TRPM3: variants seen among roughly 807,000 people sequenced by gnomAD.
TRPM3 encodes the protein transient receptor potential cation channel subfamily M member 3, also known as long transient receptor potential channel 3.
A neutral mutation model predicts 181.2 loss-of-function variants in TRPM3; 77 were observed. The ratio of observed to expected loss-of-function variants is 0.42; its 90% CI spans 0.35 to 0.51. TRPM3 has a LOEUF of 0.51. Among genes scored for constraint, TRPM3 ranks in the 20% least tolerant of loss-of-function variants. The pLI, the probability that TRPM3 is intolerant of heterozygous loss-of-function variation, is 0.01. For synonymous variants in TRPM3, 745 were observed against 796.4 expected, an observed-to-expected ratio of 0.94 and a Z score of 1.09; for missense variants, 1,759 against 2,196.7, an observed-to-expected ratio of 0.80 and a Z score of 3.98.
intron 1 of TRPM3, among the ~76,000 whole-genome samples, chr9:71,188,167 A>G (rs996753702): frequency 3.3e-5 from 5 of 151,856 alleles, no homozygotes; most frequent in African/African-American, 1.2e-4. Flanking sequence ...ACTTTTGCTT[A>G]TGTTTAATTC....
At chr9:71,287,610 A>G (rs1266107129) in intron 1 of TRPM3, among the ~76,000 whole-genome samples, 1 of 151,434 alleles carries the variant, frequency 6.6e-6, no homozygotes, top group East Asian at 1.9e-4. Context: ...CTACAACTCC[A>G]GAATTACAGA....
At chr9:71,351,900 G>C (rs1347759392) in intron 1 of TRPM3, among the ~76,000 whole-genome samples, 1 of 133,556 alleles carries the variant, frequency 7.5e-6, no homozygotes, top group Admixed American at 8.4e-5. Context: ...TTTTGAGACT[G>C]AGTCTTGCTC....
intron 1 of TRPM3, among the ~76,000 whole-genome samples, chr9:71,287,690 C>T (rs986837134): frequency 6.6e-6 from 1 of 150,928 alleles, no homozygotes; most frequent in Non-Finnish European, 1.5e-5. Context: ...GATATACAGC[C>T]ATGCACTGTA....
intron 6 of TRPM3, among the ~76,000 whole-genome samples, chr9:70,804,730 T>C (rs1210457714): frequency 6.6e-6 from 1 of 151,962 alleles, no homozygotes; most frequent in Non-Finnish European, 1.5e-5. Flanking sequence ...CCCCTTGTCT[T>C]CCCCACGACT....
chr9:71,154,367 G>T (rs10868962), intron 1 of TRPM3, among the ~76,000 whole-genome samples: 61,736 of 151,904 alleles, frequency 0.41, 14,580 homozygotes, highest in African/African-American at 0.66. Context: ...CATGTAGCTA[G>T]GAGGCAAGTC....
intron 6 of TRPM3, among the ~76,000 whole-genome samples, chr9:70,787,423 A>T (rs1210109900): frequency 6.6e-6 from 1 of 152,208 alleles, no homozygotes; most frequent in African/African-American, 2.4e-5. Context: ...TTTATAGGGT[A>T]CAAACAAAAG....
At chr9:71,001,561 A>G (rs1369251580) in intron 1 of TRPM3, among the ~76,000 whole-genome samples, 1 of 152,206 alleles carries the variant, frequency 6.6e-6, no homozygotes, top group Non-Finnish European at 1.5e-5. Context: ...CACAATGTCT[A>G]TTAGGGAAAA....
At chr9:70,599,289 G>A (rs1246999645) in intron 20 of TRPM3, among the ~76,000 whole-genome samples, 3 of 152,082 alleles carry the variant, frequency 2.0e-5, no homozygotes, top group Non-Finnish European at 2.9e-5. Context: ...TAAAGATCTG[G>A]CTGGCAATTA....
chr9:70,552,775 G>A (rs1257297137), intron 24 of TRPM3, 69 bp downstream of exon 24: 51 of 1,541,416 alleles, frequency 3.3e-5, no homozygotes, highest in Admixed American at 8.4e-5. Context: ...ATGCGATTCT[G>A]CGTGATTGCC....
intron 1 of TRPM3, among the ~76,000 whole-genome samples, chr9:71,424,026 C>T (rs1036180829): frequency 6.6e-6 from 1 of 152,084 alleles, no homozygotes; most frequent in Admixed American, 6.6e-5. Flanking sequence ...TCGCAAGCAC[C>T]GCTCAATAGT....
intron 1 of TRPM3, among the ~76,000 whole-genome samples, chr9:71,120,592 C>T (rs1313853800): frequency 1.3e-5 from 2 of 152,198 alleles, no homozygotes; most frequent in Admixed American, 6.5e-5. Context: ...ACTGATTCCA[C>T]TCAGGAGACT....
At chr9:71,219,914 T>C (rs1436320766) in intron 1 of TRPM3, among the ~76,000 whole-genome samples, 1 of 152,190 alleles carries the variant, frequency 6.6e-6, no homozygotes, top group Non-Finnish European at 1.5e-5. Context: ...CAAAGCTACA[T>C]TTTTCTGGGG....
intron 8 of TRPM3, among the ~76,000 whole-genome samples, chr9:70,744,002 T>C (rs1189944892): frequency 6.6e-6 from 1 of 152,020 alleles, no homozygotes; most frequent in Non-Finnish European, 1.5e-5. Flanking sequence ...GTTCATTGGT[T>C]ATGAGAGAGA....
chr9:71,410,257 T>A lies in TRPM3; in HGVS notation c.183+36396A>T, dbSNP rs1180813139. Among the ~76,000 whole-genome samples the A allele has an allele frequency of 2.7e-5, 4 of 150,858 alleles. 1 individual carries two copies. Among genetic ancestry groups the A allele is most frequent in the Non-Finnish European group, 5.9e-5 (4 of 67,838 alleles). ...AGCAGAAGGCAAGAAAAAACTATGA[T>A]CAGAGCAGAACTGAAGGAGATAGGG... On this transcript the variant is annotated intron_variant, in intron 1 of 24. Transcript: ENST00000357533.
chr9:71,352,380 T>C (rs931064319), intron 1 of TRPM3, among the ~76,000 whole-genome samples: 1 of 152,212 alleles, frequency 6.6e-6, no homozygotes, highest in African/African-American at 2.4e-5. Flanking sequence ...ATTCATTATA[T>C]TCAACTTATT....
At chr9:71,234,188 T>C (rs191227662) in intron 1 of TRPM3, among the ~76,000 whole-genome samples, 25 of 152,322 alleles carry the variant, frequency 1.6e-4, no homozygotes, top group Admixed American at 3.9e-4. Flanking sequence ...ACCCTCTATA[T>C]AGAGCTGCAT....
At chr9:71,307,877 T>C (rs539108858) in intron 1 of TRPM3, among the ~76,000 whole-genome samples, 26 of 152,308 alleles carry the variant, frequency 1.7e-4, no homozygotes, top group Admixed American at 5.9e-4. Flanking sequence ...TGACTATTTC[T>C]AGTAAGGCAT....
At chr9:71,021,608 A>G (rs949504998) in intron 1 of TRPM3, among the ~76,000 whole-genome samples, 1 of 152,236 alleles carries the variant, frequency 6.6e-6, no homozygotes, top group Non-Finnish European at 1.5e-5. Flanking sequence ...CAAACTATAA[A>G]TAAACAAGAC....
intron 1 of TRPM3, among the ~76,000 whole-genome samples, chr9:71,192,165 C>T (rs1316302152): frequency 2.6e-5 from 4 of 151,782 alleles, no homozygotes; most frequent in Admixed American, 6.6e-5. Context: ...TTGTGATACT[C>T]ACCTTTATAT....
Sources: gnomAD v4.1 joint callset for allele counts (sites outside exome capture counted in the v4.1 genomes callset) on GRCh38, gnomAD v4.1.1 for gene constraint, MANE v1.5 for transcripts, NCBI Gene and HGNC (gene_info 2026-07-23, HGNC 2026-07-21) for gene names.